PLEKHA1: variants seen among roughly 807,000 people sequenced by gnomAD.
PLEKHA1 encodes the protein pleckstrin homology domain-containing family A member 1.
PLEKHA1 carries 34 observed loss-of-function variants against 52.0 expected under a neutral mutation model. The ratio of observed to expected loss-of-function variants is 0.65; its 90% CI spans 0.50 to 0.87. The LOEUF (loss-of-function observed/expected upper bound fraction) is 0.87, where lower values mean the gene tolerates loss of function less well. Ranked by LOEUF, PLEKHA1 falls within the 40% of genes least tolerant of loss-of-function variation. The pLI is 0.00. For missense variants in PLEKHA1, 497 were observed against 504.2 expected, an observed-to-expected ratio of 0.99 and a Z score of 0.14; for synonymous variants, 163 against 170.7, an observed-to-expected ratio of 0.95 and a Z score of 0.35.
intron 1 of PLEKHA1, chr10:122,387,175 A>T (rs7902176): frequency 0.31 from 47,602 of 151,602 alleles, 8,066 homozygotes; most frequent in Non-Finnish European, 0.4. Context: ...TTCTTTTCTG[A>T]TATTTATTAT....
chr10:122,375,305 C>T (rs376989215), intron 1 of PLEKHA1, among the ~76,000 whole-genome samples: 2 of 152,170 alleles, frequency 1.3e-5, no homozygotes, highest in Admixed American at 1.3e-4. Context: ...CGTCCCCGGG[C>T]ATCCTTTCCT....
chr10:122,434,873 C>T (rs1168801808), downstream of PLEKHA1: 1 of 151,372 alleles, frequency 6.6e-6, no homozygotes, highest in Non-Finnish European at 1.5e-5. Context: ...CCAATTTCAT[C>T]CATGTCCCTA....
chr10:122,427,943 G>A (rs529293512), intron 11 of PLEKHA1, among the ~76,000 whole-genome samples: 2 of 152,278 alleles, frequency 1.3e-5, no homozygotes, highest in Admixed American at 1.3e-4. Context: ...GATAACTACA[G>A]ATAAATAAAT....
intron 5 of PLEKHA1, among the ~76,000 whole-genome samples, chr10:122,408,955 T>A (rs2097064397): frequency 6.6e-6 from 1 of 152,216 alleles, no homozygotes; most frequent in African/African-American, 2.4e-5. Flanking sequence ...ATATAAATTT[T>A]AAAATTTTGG....
At chr10:122,416,488 A>G (rs1475814317) in intron 7 of PLEKHA1, among the ~76,000 whole-genome samples, 1 of 152,186 alleles carries the variant, frequency 6.6e-6, no homozygotes, top group Non-Finnish European at 1.5e-5. Flanking sequence ...AATATCATAT[A>G]AAACCTACCA....
At chr10:122,422,726 A>G (rs754963704) in intron 8 of PLEKHA1, 6 of 152,264 alleles carry the variant, frequency 3.9e-5, no homozygotes, top group Non-Finnish European at 7.3e-5. Context: ...GAATACAGGT[A>G]GGGCAATTAA....
At chr10:122,402,628 A>G (rs1403103210) in intron 4 of PLEKHA1, among the ~76,000 whole-genome samples, 3 of 152,182 alleles carry the variant, frequency 2.0e-5, no homozygotes, top group Non-Finnish European at 4.4e-5. Flanking sequence ...TGGGGAAGCA[A>G]CAGTGAGGAA....
At chr10:122,441,528 A>G in the PLEKHA1 span, 1 of 152,200 alleles carries the variant, frequency 6.6e-6, no homozygotes, top group African/African-American at 2.4e-5. Flanking sequence ...ATTACATGTA[A>G]GGAATTAACT....
chr10:122,417,365 T>G (rs1213903111), intron 7 of PLEKHA1, among the ~76,000 whole-genome samples: 2 of 150,654 alleles, frequency 1.3e-5, no homozygotes, highest in African/African-American at 4.9e-5. Flanking sequence ...AAATATGAAA[T>G]AGGCCAGGCA....
chr10:122,381,525 C>A lies in PLEKHA1; in HGVS notation c.-21+6719C>A, dbSNP rs376589275. ...CTCTCTTCTCTCTTTCTTCCTCCTGCTCCTGCGATGTAAGAGGTAACTCCT... is the reference window on the plus strand; with the variant it reads ...CTCTCTTCTCTCTTTCTTCCTCCTGATCCTGCGATGTAAGAGGTAACTCCT... On this transcript the variant is annotated intron_variant, in intron 1 of 11. Coordinates refer to ENST00000368990, the MANE Select transcript of PLEKHA1 (RefSeq NM_001001974.4). Among the ~76,000 whole-genome samples, 3 of 152,154 alleles carry A rather than the reference C, an allele frequency of 2.0e-5. No individual in the cohort carries two copies. In the South Asian group the frequency reaches 6.2e-4, roughly 32 times the overall value.
chr10:122,429,503 T>A, intron 11 of PLEKHA1, 121 bp from the exon 12 acceptor site: 1 of 741,516 alleles, frequency 1.3e-6, no homozygotes, highest in Admixed American at 3.0e-5. Context: ...TTTGTGTGTG[T>A]GTGTGTGTGT....
intron 2 of PLEKHA1, 81 bp from the exon 3 acceptor site, chr10:122,397,837 C>A: frequency 9.0e-7 from 1 of 1,116,294 alleles, no homozygotes; most frequent in Non-Finnish European, 1.3e-6. Flanking sequence ...TTTAACTTTT[C>A]AGAAGTATAT....
At chr10:122,432,947 A>AT (rs2097425208), downstream of PLEKHA1, 2 of 152,186 alleles carry the variant, frequency 1.3e-5, no homozygotes, top group Non-Finnish European at 2.9e-5. Context: ...ATTAGAGAAA[A>AT]GTGTATACCT....
At chr10:122,426,735 A>G (rs1334349892) in intron 10 of PLEKHA1, among the ~76,000 whole-genome samples, 1 of 152,198 alleles carries the variant, frequency 6.6e-6, no homozygotes, top group African/African-American at 2.4e-5. Flanking sequence ...TGATCTTGAC[A>G]TTGAAGTGCT....
In PLEKHA1 at chr10:122,431,345, C is replaced by T. The variant is rs1343976919; in HGVS notation, c.*1407C>T. 7.2e-5 allele frequency: 11 copies of T among 152,780 alleles called. No individual in the cohort carries two copies. In the East Asian group the frequency reaches 2.1e-3, roughly 30 times the overall value. 9.5% of individuals were successfully genotyped at this position (152,780 alleles called of 1,614,324 possible). A position where few individuals can be genotyped will look rare whatever the true frequency, so the allele number is the denominator to read the frequency against. ...ATGTTGGCCAGGCTCGTCTCGAACT[C>T]CTGACTTCAGGTGATCCACCCATCT... On this transcript the variant is annotated 3_prime_UTR_variant, in exon 12 of 12. Coordinates refer to ENST00000368990, the MANE Select transcript of PLEKHA1 (RefSeq NM_001001974.4).
chr10:122,433,443 G>C (rs2097427305), downstream of PLEKHA1: 1 of 152,194 alleles, frequency 6.6e-6, no homozygotes, highest in African/African-American at 2.4e-5. Flanking sequence ...GGTGTAGCTA[G>C]AGTAATCCAG....
chr10:122,401,157 GAGCTGAACACTCTGA>G (rs1401410420), intron 4 of PLEKHA1, among the ~76,000 whole-genome samples: 7 of 151,858 alleles, frequency 4.6e-5, no homozygotes, highest in African/African-American at 1.5e-4. Flanking sequence ...GGTGTCTCTG[GAGCTGAACACTCTGA>G]AGCTAGAGGG....
At chr10:122,441,469 CAA>C in the PLEKHA1 span, 9 of 134,490 alleles carry the variant, frequency 6.7e-5, no homozygotes, top group Non-Finnish European at 1.5e-4. Flanking sequence ...GACCCTGTCT[CAA>C]AAAAAAAAAA....
intron 5 of PLEKHA1, among the ~76,000 whole-genome samples, chr10:122,411,062 T>G (rs1322008819): frequency 6.6e-6 from 1 of 152,246 alleles, no homozygotes; most frequent in Non-Finnish European, 1.5e-5. Flanking sequence ...CTAATTTTAT[T>G]TGACAAGGAA....
Sources: allele counts gnomAD v4.1 joint callset (sites outside exome capture counted in the v4.1 genomes callset), GRCh38; gene constraint gnomAD v4.1.1; transcripts MANE v1.5; gene names NCBI Gene and HGNC (gene_info 2026-07-23, HGNC 2026-07-21).